Variants in WDPCP observed in about 807,000 individuals in gnomAD.
WDPCP encodes the protein WD repeat containing planar cell polarity effector, also known as WD repeat-containing and planar cell polarity effector protein fritz homolog.
Under a neutral mutation model 93.1 loss-of-function variants are expected in WDPCP, and 71 were observed. The ratio of observed to expected loss-of-function variants is 0.76; its 90% CI spans 0.63 to 0.93. WDPCP has a LOEUF of 0.93. WDPCP is among the 40% of genes least tolerant of loss of function. The pLI is 0.00. For missense variants in WDPCP, 844 were observed against 887.4 expected (o/e 0.95, Z 0.62); for synonymous variants, 315 against 315.0 (o/e 1.00, Z 0.00).
chr2:63,560,890 G>C (rs987277952), intron 1 of WDPCP, among the ~76,000 whole-genome samples: 1 of 152,210 alleles, frequency 6.6e-6, no homozygotes, highest in African/African-American at 2.4e-5. Context: ...TAAATGACCA[G>C]TTGATGGGTG....
chr2:63,818,773 T>G (rs1389302014), intron 1 of WDPCP, among the ~76,000 whole-genome samples: 1 of 152,170 alleles, frequency 6.6e-6, no homozygotes, highest in Non-Finnish European at 1.5e-5. Context: ...TTGAGAATCC[T>G]TATAGAGGTG....
chr2:63,208,578 G>A (rs1280172496), intron 14 of WDPCP, among the ~76,000 whole-genome samples: 1 of 152,132 alleles, frequency 6.6e-6, no homozygotes, highest in Admixed American at 6.5e-5. Flanking sequence ...CCAGAATCTA[G>A]ACCATCCCAG....
intron 3 of WDPCP, among the ~76,000 whole-genome samples, chr2:63,603,080 C>T (rs1259423521): frequency 5.3e-5 from 8 of 151,882 alleles, no homozygotes; most frequent in Non-Finnish European, 1.2e-4. Context: ...CTGCCTCAGC[C>T]TCCTGAGTAG....
intron 14 of WDPCP, among the ~76,000 whole-genome samples, chr2:63,253,023 G>C (rs534758711): frequency 3.9e-4 from 60 of 152,070 alleles, no homozygotes; most frequent in Non-Finnish European, 7.6e-4. Flanking sequence ...TATACTACAA[G>C]TCTGCAGTAA....
chr2:63,274,885 C>A (rs1477593355), intron 13 of WDPCP, among the ~76,000 whole-genome samples: 10 of 152,034 alleles, frequency 6.6e-5, no homozygotes. Context: ...GAAATGAATA[C>A]CAATTCCTCT....
At chr2:63,630,266 C>T (rs1344089693) in intron 3 of WDPCP, among the ~76,000 whole-genome samples, 1 of 151,908 alleles carries the variant, frequency 6.6e-6, no homozygotes, top group East Asian at 1.9e-4. Flanking sequence ...AATGAAGTGG[C>T]AGATTTAAAC....
At chr2:63,722,664 G>GA (rs1377010095) in intron 2 of WDPCP, among the ~76,000 whole-genome samples, 1 of 141,520 alleles carries the variant, frequency 7.1e-6, no homozygotes, top group African/African-American at 2.6e-5. Context: ...AGGTGGGGGG[G>GA]GGTCAGCCCC....
intron 3 of WDPCP, chr2:63,606,888 T>C (rs1575728063): frequency 6.2e-7 from 1 of 1,611,482 alleles, no homozygotes. Context: ...TTGTTGAAGG[T>C]CTCCCTATTA....
At chr2:63,212,263 G>T (rs1301567501) in intron 14 of WDPCP, among the ~76,000 whole-genome samples, 1 of 152,202 alleles carries the variant, frequency 6.6e-6, no homozygotes, top group Non-Finnish European at 1.5e-5. Context: ...ACTAACAGCA[G>T]ATCTCTTCAC....
chr2:63,747,318 T>G (rs1463290832), intron 2 of WDPCP, among the ~76,000 whole-genome samples: 1 of 152,208 alleles, frequency 6.6e-6, no homozygotes, highest in Admixed American at 6.5e-5. Context: ...TTTCAATCTT[T>G]CACCTGTTTG....
chr2:63,421,342 T>A (rs547687068), intron 9 of WDPCP, among the ~76,000 whole-genome samples: 2 of 152,088 alleles, frequency 1.3e-5, no homozygotes, highest in East Asian at 3.9e-4. Context: ...AATCCTCCAA[T>A]CCACAGAACT....
At chr2:63,283,208 A>G (rs1464532742) in intron 13 of WDPCP, among the ~76,000 whole-genome samples, 1 of 152,194 alleles carries the variant, frequency 6.6e-6, no homozygotes, top group East Asian at 1.9e-4. Flanking sequence ...AGAACTGCAA[A>G]GAAATCTTAG....
intron 6 of WDPCP, among the ~76,000 whole-genome samples, chr2:63,471,842 A>G (rs1699710640): frequency 6.6e-6 from 1 of 152,210 alleles, no homozygotes; most frequent in Non-Finnish European, 1.5e-5. Context: ...AGGGCATCAC[A>G]TCTTTCAATA....
chr2:63,230,405 T>C (rs1411623599), intron 14 of WDPCP, among the ~76,000 whole-genome samples: 1 of 152,148 alleles, frequency 6.6e-6, no homozygotes, highest in Non-Finnish European at 1.5e-5. Flanking sequence ...TACATGTGTA[T>C]GTGTCTTTAT....
At chr2:63,306,763 T>C (rs980914043) in intron 13 of WDPCP, among the ~76,000 whole-genome samples, 2 of 152,148 alleles carry the variant, frequency 1.3e-5, no homozygotes, top group Non-Finnish European at 2.9e-5. Context: ...GACCGATCTA[T>C]GACAAACCCA....
chr2:63,375,954 G>T (rs975015293), intron 12 of WDPCP, among the ~76,000 whole-genome samples: 2 of 151,606 alleles, frequency 1.3e-5, no homozygotes, highest in African/African-American at 4.8e-5. Context: ...TACTGTTTAG[G>T]GATATTCCAT....
chr2:63,575,551 T>A (rs182678923), intron 1 of WDPCP, among the ~76,000 whole-genome samples: 1 of 143,840 alleles, frequency 7.0e-6, no homozygotes, highest in Admixed American at 6.9e-5. Context: ...ATATATAGTA[T>A]ATACAGTATA....
chr2:63,202,915 A>G (rs1158262608), intron 14 of WDPCP, among the ~76,000 whole-genome samples: 1 of 152,012 alleles, frequency 6.6e-6, no homozygotes, highest in Middle Eastern at 3.2e-3. Context: ...TTGCTCTGTT[A>G]CTAATCTGAA....
chr2:63,481,112 C>A (rs1700242936), intron 6 of WDPCP, among the ~76,000 whole-genome samples: 1 of 151,912 alleles, frequency 6.6e-6, no homozygotes, highest in Non-Finnish European at 1.5e-5. Context: ...AGAAGATATA[C>A]AAATGGCCAG....
Sources: allele counts gnomAD v4.1 joint callset (sites outside exome capture counted in the v4.1 genomes callset), GRCh38; gene constraint gnomAD v4.1.1; transcripts MANE v1.5; gene names NCBI Gene and HGNC (gene_info 2026-07-23, HGNC 2026-07-21).